Variants in ABCA12 observed in about 807,000 individuals in gnomAD.
The protein encoded by ABCA12 is glucosylceramide transporter ABCA12.
Under a neutral mutation model 293.5 loss-of-function variants are expected in ABCA12, and 156 were observed. That is an observed-to-expected ratio of 0.53 (90% confidence interval 0.47 to 0.61). The LOEUF (loss-of-function observed/expected upper bound fraction) is 0.61. Ranked by LOEUF, ABCA12 falls within the 20% of genes least tolerant of loss-of-function variation. ABCA12 has a pLI of 0.00. For missense variants in ABCA12, 2,797 were observed against 3,090.2 expected (o/e 0.91, Z 2.25); for synonymous variants, 1,063 against 1,108.0 (o/e 0.96, Z 0.81).
intron 32 of ABCA12, 22 bp from the exon 33 acceptor site, chr2:214,978,488 C>T (rs1014165684): frequency 3.1e-6 from 5 of 1,610,950 alleles, no homozygotes; most frequent in Non-Finnish European, 4.2e-6. Context: ...AGCCAGATCA[C>T]TTCATTAACA....
chr2:215,006,867 C>CTTTTTTTT (rs371764502), intron 19 of ABCA12, among the ~76,000 whole-genome samples: 1 of 67,868 alleles, frequency 1.5e-5, no homozygotes, highest in African/African-American at 5.4e-5. Flanking sequence ...AAATTCCTGC[C>CTTTTTTTT]TTTTTTTTTT....
chr2:215,059,666 A>G (rs1701489998), intron 3 of ABCA12, among the ~76,000 whole-genome samples: 1 of 151,988 alleles, frequency 6.6e-6, no homozygotes, highest in Non-Finnish European at 1.5e-5. Context: ...TGGGCAGATT[A>G]GGGGGTATCC....
intron 39 of ABCA12, among the ~76,000 whole-genome samples, chr2:214,964,845 A>G (rs1699215154): frequency 6.6e-6 from 1 of 152,244 alleles, no homozygotes; most frequent in Non-Finnish European, 1.5e-5. Flanking sequence ...TTAAACTACC[A>G]TTGACATTCT....
intron 23 of ABCA12, among the ~76,000 whole-genome samples, chr2:214,993,473 G>A (rs1699969583): frequency 6.6e-6 from 1 of 152,134 alleles, no homozygotes; most frequent in Non-Finnish European, 1.5e-5. Flanking sequence ...CATGTTTGGC[G>A]ACTATTTCAG....
chr2:215,012,551 A>C (rs1196928951), intron 15 of ABCA12, among the ~76,000 whole-genome samples: 1 of 152,258 alleles, frequency 6.6e-6, no homozygotes, highest in Non-Finnish European at 1.5e-5. Flanking sequence ...CACATATTTC[A>C]TGATTCAATT....
chr2:215,092,643 T>C (rs933241180), intron 2 of ABCA12, among the ~76,000 whole-genome samples: 1 of 152,144 alleles, frequency 6.6e-6, no homozygotes, highest in Non-Finnish European at 1.5e-5. Flanking sequence ...CATGGCCTCT[T>C]AAAGCCTACA....
At chr2:215,100,120 T>C (rs1312592375) in intron 2 of ABCA12, among the ~76,000 whole-genome samples, 1 of 151,992 alleles carries the variant, frequency 6.6e-6, no homozygotes, top group Non-Finnish European at 1.5e-5. Context: ...GCTCAAGTGA[T>C]CTTCCCACCT....
In ABCA12 at chr2:214,947,571, AGG is replaced by A; in HGVS notation, c.7105-17_7105-16del. The A allele has an allele frequency of 6.2e-7, 1 of 1,613,642 alleles. No individual in the cohort carries two copies. The highest frequency in any genetic ancestry group is 1.3e-5 in the African/African-American group (1 of 75,046). ...TTATGAACAGTCTGTAGGCAATAAAAGGGGAGTTAGGTTGACCTTCCTGTGCC... is the reference window on the plus strand; with the variant it reads ...TTATGAACAGTCTGTAGGCAATAAAAGGAGTTAGGTTGACCTTCCTGTGCC... On this transcript the variant is annotated splice_polypyrimidine_tract_variant and intron_variant, in intron 47 of 52. Transcript: ENST00000272895.
intron 2 of ABCA12, among the ~76,000 whole-genome samples, chr2:215,083,530 C>T (rs937258712): frequency 6.6e-6 from 1 of 152,066 alleles, no homozygotes; most frequent in Non-Finnish European, 1.5e-5. Context: ...TCTCTATACA[C>T]CAAACAAGCA....
chr2:215,052,980 A>G (rs1701350449), intron 4 of ABCA12, among the ~76,000 whole-genome samples: 1 of 152,116 alleles, frequency 6.6e-6, no homozygotes, highest in Non-Finnish European at 1.5e-5. Context: ...GGATCTGCCA[A>G]TGCACATCTG....
intron 1 of ABCA12, among the ~76,000 whole-genome samples, chr2:215,134,576 AATC>A (rs1703159350): frequency 1.2e-5 from 1 of 86,046 alleles, no homozygotes; most frequent in African/African-American, 6.2e-5. Flanking sequence ...GTATATATAT[AATC>A]TCTCTCTCTC....
chr2:215,126,374 G>C (rs1559209108), intron 1 of ABCA12, among the ~76,000 whole-genome samples: 1 of 152,078 alleles, frequency 6.6e-6, no homozygotes, highest in Non-Finnish European at 1.5e-5. Context: ...AAAAGGATTG[G>C]TACCAATTCT....
rs748816074 is a variant in ABCA12, at chr2:214,953,967, A to G, written c.6534T>C (p.Asn2178=). The G allele has an allele frequency of 6.3e-5, 102 of 1,613,998 alleles. No homozygotes were observed. The highest frequency in any genetic ancestry group is 8.2e-5 in the Non-Finnish European group (97 of 1,180,000). ...FLKAYGVEYP[N]ETFEMNKLGA... is the part of the protein sequence containing the mutation. The stretch of plus-strand genomic sequence containing the variant: ...CTAGTTTATTCATCTCAAAGGTTTC[A>G]TTTGGGTATTCCACTCCATATGCTT... The change falls in exon 44 of 53, where the codon AAT becomes AAC. Residue 2178 remains asparagine (N), a synonymous_variant. Transcript: ENST00000272895.
At chr2:215,105,928 A>T (rs1011064307) in intron 2 of ABCA12, among the ~76,000 whole-genome samples, 4 of 152,182 alleles carry the variant, frequency 2.6e-5, no homozygotes, top group African/African-American at 9.6e-5. Flanking sequence ...CAGAACAACA[A>T]CAACAAAAAA....
At chr2:214,943,325 G>A (rs1698468631) in intron 49 of ABCA12, among the ~76,000 whole-genome samples, 1 of 151,126 alleles carries the variant, frequency 6.6e-6, no homozygotes, top group Non-Finnish European at 1.5e-5. Context: ...ATTTTTTTTT[G>A]TAGAGATGGG....
intron 19 of ABCA12, 52 bp from the exon 20 acceptor site, chr2:215,004,351 A>G (rs1344731560): frequency 7.3e-7 from 1 of 1,374,638 alleles, no homozygotes; most frequent in Non-Finnish European, 1.0e-6. Flanking sequence ...ATCATGTTTG[A>G]CATTGTCTCT....
At chr2:215,136,449 G>C (rs968099925) in intron 1 of ABCA12, among the ~76,000 whole-genome samples, 6 of 152,134 alleles carry the variant, frequency 3.9e-5, no homozygotes, top group African/African-American at 1.4e-4. Context: ...CTTCACCTGA[G>C]ATTTGGGTGT....
At chr2:215,077,460 A>G (rs1438140894) in intron 2 of ABCA12, among the ~76,000 whole-genome samples, 1 of 151,922 alleles carries the variant, frequency 6.6e-6, no homozygotes, top group Non-Finnish European at 1.5e-5. Context: ...TTTTTTACTC[A>G]CTGTCCTCCT....
chr2:215,072,995 T>G (rs1190463352), intron 2 of ABCA12, among the ~76,000 whole-genome samples: 1 of 152,062 alleles, frequency 6.6e-6, no homozygotes, highest in Non-Finnish European at 1.5e-5. Flanking sequence ...CCTGGGAAGC[T>G]GAGGCAGGAG....
Sources: gnomAD v4.1 joint callset for allele counts (sites outside exome capture counted in the v4.1 genomes callset) on GRCh38, gnomAD v4.1.1 for gene constraint, MANE v1.5 for transcripts, NCBI Gene and HGNC (gene_info 2026-07-23, HGNC 2026-07-21) for gene names.